The following TBC1D19 variants were observed in gnomAD, a reference collection of about 807,000 sequenced individuals.
TBC1D19 encodes TBC1 domain family, member 19.
Under a neutral mutation model 89.0 loss-of-function variants are expected in TBC1D19, and 60 were observed. The ratio of observed to expected loss-of-function variants is 0.67; its 90% confidence interval spans 0.55 to 0.84. The LOEUF is 0.84. Among genes scored for constraint, TBC1D19 ranks in the 40% least tolerant of loss-of-function variants. The pLI, the probability that TBC1D19 is intolerant of heterozygous loss-of-function variation, is 0.00. For missense variants in TBC1D19, 500 were observed against 610.8 expected (o/e 0.82, Z 1.91); for synonymous variants, 189 against 199.7 (o/e 0.95, Z 0.45).
chr4:26,604,608 C>G (rs1022274141), intron 1 of TBC1D19, among the ~76,000 whole-genome samples: 1 of 149,354 alleles, frequency 6.7e-6, no homozygotes, highest in East Asian at 2.0e-4. Flanking sequence ...TGGTGGCTCA[C>G]GCCTGTAATC....
intron 17 of TBC1D19, among the ~76,000 whole-genome samples, chr4:26,741,384 AAAG>A (rs1434447527): frequency 7.4e-4 from 108 of 146,334 alleles, no homozygotes; most frequent in Middle Eastern, 3.4e-3. Context: ...AAAAAAAAAA[AAAG>A]ATTAATAATT....
chr4:26,854,926 G>C, the TBC1D19 span, among the ~76,000 whole-genome samples: 133 of 152,298 alleles, frequency 8.7e-4, no homozygotes, highest in Non-Finnish European at 1.5e-3. Context: ...TGACTGAAAA[G>C]TGCGGGCGAG....
intron 15 of TBC1D19, among the ~76,000 whole-genome samples, chr4:26,735,247 A>T (rs946640646): frequency 2.0e-5 from 3 of 151,740 alleles, no homozygotes; most frequent in African/African-American, 7.2e-5. Context: ...TGTTAACTGG[A>T]TATATGTTTT....
At chr4:26,783,555 A>G in the TBC1D19 span, among the ~76,000 whole-genome samples, 1 of 148,626 alleles carries the variant, frequency 6.7e-6, no homozygotes, top group Non-Finnish European at 1.5e-5. Context: ...CAAGATAAAA[A>G]GCACATTTTT....
intron 7 of TBC1D19, among the ~76,000 whole-genome samples, chr4:26,640,498 G>A (rs768642486): frequency 2.5e-4 from 38 of 152,196 alleles, no homozygotes; most frequent in Admixed American, 4.6e-4. Context: ...CAACACAGAA[G>A]ACGGGTGATT....
chr4:26,821,815 T>C, the TBC1D19 span, among the ~76,000 whole-genome samples: 1 of 152,230 alleles, frequency 6.6e-6, no homozygotes, highest in Non-Finnish European at 1.5e-5. Context: ...ACCCGTTCTT[T>C]ATGTGTGGCA....
intron 13 of TBC1D19, among the ~76,000 whole-genome samples, chr4:26,715,814 A>G (rs561670226): frequency 9.2e-5 from 14 of 152,188 alleles, no homozygotes; most frequent in Admixed American, 7.2e-4. Flanking sequence ...CAGCTGCTAT[A>G]GTTAGTCCTT....
At chr4:26,678,305 G>A (rs1379021760) in intron 11 of TBC1D19, among the ~76,000 whole-genome samples, 3 of 152,184 alleles carry the variant, frequency 2.0e-5, no homozygotes, top group Non-Finnish European at 2.9e-5. Context: ...ACTTTCGTCA[G>A]TCGAGAAAAA....
chr4:26,851,307 ATC>A, the TBC1D19 span, among the ~76,000 whole-genome samples: 7 of 45,462 alleles, frequency 1.5e-4, 1 homozygote, highest in East Asian at 4.3e-3. Context: ...TAAATACCCT[ATC>A]TATCTATCTA....
At chr4:26,713,465 C>G (rs750857124) in intron 13 of TBC1D19, among the ~76,000 whole-genome samples, 1 of 151,674 alleles carries the variant, frequency 6.6e-6, no homozygotes, top group Non-Finnish European at 1.5e-5. Flanking sequence ...GATGTTCCCA[C>G]TAAAGGAAGG....
At chr4:26,710,419 T>A (rs1206784836) in intron 13 of TBC1D19, among the ~76,000 whole-genome samples, 1 of 152,230 alleles carries the variant, frequency 6.6e-6, no homozygotes, top group Non-Finnish European at 1.5e-5. Context: ...ATTTTCTTAA[T>A]CCGGTCTATC....
chr4:26,821,163 A>T, the TBC1D19 span, among the ~76,000 whole-genome samples: 3 of 152,206 alleles, frequency 2.0e-5, no homozygotes, highest in Non-Finnish European at 4.4e-5. Flanking sequence ...TGTCCTTGCC[A>T]CACTTTCTTT....
rs535520177 is a variant in TBC1D19, at chr4:26,636,872, A to C, written c.295-339A>C. 1.1e-4 allele frequency among the ~76,000 whole-genome samples: 16 copies of C among 152,288 alleles called. No homozygotes were observed. In the East Asian group the frequency reaches 2.1e-3, roughly 20 times the overall value. On this transcript the variant is annotated intron_variant, in intron 4 of 20. Transcript: ENST00000264866. Reference sequence around the variant, plus strand: ...AGTATTAAACATTTATAAAATACTTAAATTTAACTTATCTTTTTATCTGAT... The same window carrying C: ...AGTATTAAACATTTATAAAATACTTCAATTTAACTTATCTTTTTATCTGAT...
intron 7 of TBC1D19, among the ~76,000 whole-genome samples, chr4:26,658,285 A>C (rs534713021): frequency 2.7e-4 from 41 of 152,290 alleles, no homozygotes; most frequent in Non-Finnish European, 4.3e-4. Flanking sequence ...GAAGGCATCC[A>C]GTTTAAGTTT....
chr4:26,652,784 G>A (rs1744492478), intron 7 of TBC1D19, among the ~76,000 whole-genome samples: 1 of 152,032 alleles, frequency 6.6e-6, no homozygotes, highest in South Asian at 2.1e-4. Context: ...CTTGCTAGCG[G>A]TCTATCAATT....
intron 1 of TBC1D19, among the ~76,000 whole-genome samples, chr4:26,595,181 T>C (rs1219220266): frequency 6.6e-6 from 1 of 152,262 alleles, no homozygotes; most frequent in East Asian, 1.9e-4. Context: ...AATTCCCTAA[T>C]GACATATGAT....
the TBC1D19 span, among the ~76,000 whole-genome samples, chr4:26,818,236 A>G: frequency 2.0e-5 from 3 of 151,894 alleles, no homozygotes; most frequent in Non-Finnish European, 4.4e-5. Flanking sequence ...TTACTTGTTT[A>G]TTTATTTTTG....
rs140791707 is a variant in TBC1D19 at position 26,728,189 on chromosome 4, C to T, written c.1085-7266C>T. Among the ~76,000 whole-genome samples, 179 of 152,288 alleles carry T rather than the reference C, an allele frequency of 1.2e-3. 2 individuals carry two copies. The highest frequency in any genetic ancestry group is 4.2e-3 in the African/African-American group (176 of 41,560). ...TTAATAATGTCTTCATTTCTGACTACCTTAGCCACTTGTTGAAATGTTTCT... is the reference window on the plus strand; with the variant it reads ...TTAATAATGTCTTCATTTCTGACTATCTTAGCCACTTGTTGAAATGTTTCT... On this transcript the variant is annotated intron_variant, in intron 15 of 20. Transcript: ENST00000264866.
At chr4:26,747,113 T>C (rs1718693288) in intron 18 of TBC1D19, among the ~76,000 whole-genome samples, 1 of 152,214 alleles carries the variant, frequency 6.6e-6, no homozygotes, top group East Asian at 1.9e-4. Context: ...TATGGGTAAC[T>C]GAAACCACAG....
Sources: allele counts gnomAD v4.1 joint callset (sites outside exome capture counted in the v4.1 genomes callset), GRCh38; gene constraint gnomAD v4.1.1; transcripts MANE v1.5; gene names NCBI Gene and HGNC (gene_info 2026-07-23, HGNC 2026-07-21).